NUDCD2: variants seen among roughly 807,000 people sequenced by gnomAD.
NUDCD2 encodes the protein NudC domain containing 2, also known as nudC domain-containing protein 2.
In NUDCD2, 16 loss-of-function variants were observed where a neutral mutation model predicts 20.8. That is an observed-to-expected ratio of 0.77 (90% CI 0.52 to 1.17). NUDCD2 has a LOEUF of 1.17. Ranked by LOEUF, NUDCD2 falls within the 50% of genes most tolerant of loss-of-function variation. The pLI, the probability that NUDCD2 is intolerant of heterozygous loss-of-function variation, is 0.00. For synonymous variants in NUDCD2, 87 were observed against 72.8 expected (o/e 1.20, Z -1.00); for missense variants, 199 against 193.9 (o/e 1.03, Z -0.16).
intron 3 of NUDCD2, 146 bp downstream of exon 3, chr5:163,456,783 G>C (rs1758322488): frequency 3.3e-6 from 2 of 612,658 alleles, no homozygotes; most frequent in Non-Finnish European, 5.2e-6. Flanking sequence ...TACAAGAAAG[G>C]CCATTTTTCT....
Position 163,457,058 on chromosome 5 carries a change from A to G in NUDCD2, c.261T>C (p.Ile87=), listed in dbSNP as rs769674467. ...WTLEDRKMVR[I]VLTKTKRDAA... ...CATCTCTCTTTGTCTTTGTAAGAAC[A>G]ATACGAACCATTTTTCTGTCCTCTA... Residue 87 remains isoleucine (I), a synonymous_variant, in exon 3 of 4, where the codon ATT becomes ATC. Transcript: ENST00000302764. 3 of 1,608,048 alleles carry G rather than the reference A, an allele frequency of 1.9e-6. No individual in the cohort carries two copies. In the South Asian group the frequency reaches 3.4e-5, roughly 18 times the overall value.
At position 163,447,404 on chromosome 5, in the gene NUDCD2, C is replaced by T. The variant is rs972039674; in HGVS notation, c.*6563G>A. ...AGTTTGAGGCTGCAGTGAAGCATGA[C>T]AGAGTTGCTATGCTCCAGCCTGAGT... On this transcript the variant is annotated 3_prime_UTR_variant, in exon 4 of 4. Transcript: ENST00000302764. The T allele has an allele frequency of 1.4e-5, 2 of 142,358 alleles. No individual in the cohort carries two copies. The highest frequency in any genetic ancestry group is 1.5e-4 in the Admixed American group (2 of 13,704). The allele number at this position is 142,358 out of a possible 1,614,324, so 8.8% of individuals were successfully genotyped here. A position where few individuals can be genotyped will look rare whatever the true frequency, so the allele number is the denominator to read the frequency against.
intron 3 of NUDCD2, among the ~76,000 whole-genome samples, chr5:163,456,147 G>A (rs1758304997): frequency 6.6e-6 from 1 of 152,092 alleles, no homozygotes; most frequent in East Asian, 1.9e-4. Flanking sequence ...AACCGGGTAT[G>A]CAGGTCCTAA....
At chr5:163,459,637 T>G (rs1758422576) in intron 1 of NUDCD2, 1 of 397,022 alleles carries the variant, frequency 2.5e-6, no homozygotes, top group Non-Finnish European at 4.5e-6. Context: ...AGCAGCAGTC[T>G]TAGTTTGAAA....
chr5:163,457,151 T>C (rs1758339705), intron 2 of NUDCD2, 71 bp from the exon 3 acceptor site: 3 of 1,472,288 alleles, frequency 2.0e-6, no homozygotes, highest in African/African-American at 2.9e-5. Context: ...TTTTTTTTTT[T>C]TTGAGACAGT....
At chr5:163,455,872 TAG>T (rs1316860008) in intron 3 of NUDCD2, among the ~76,000 whole-genome samples, 2 of 152,064 alleles carry the variant, frequency 1.3e-5, no homozygotes, top group African/African-American at 4.8e-5. Context: ...AGAATGGTGG[TAG>T]AGTTGGTGGT....
At position 163,457,414 on chromosome 5, in the gene NUDCD2, T is replaced by G. The variant is rs1379652323; in HGVS notation, c.238+148A>C. Reference sequence around the variant, plus strand: ...ACTAACTAATTTTTTCTCCCCCCACTAGGTAACTTTGACATACAACGGTTT... The same window carrying G: ...ACTAACTAATTTTTTCTCCCCCCACGAGGTAACTTTGACATACAACGGTTT... On this transcript the variant is annotated intron_variant, in intron 2 of 3. Transcript: ENST00000302764. 9.8e-6 allele frequency: 6 copies of G among 611,674 alleles called. No homozygotes were observed. In the African/African-American group the frequency reaches 1.1e-4, roughly 12 times the overall value. The allele number at this position is 611,674 out of a possible 1,614,324, so 37.9% of individuals were successfully genotyped here.
chr5:163,459,620 A>G (rs1758422131), intron 1 of NUDCD2: 1 of 349,842 alleles, frequency 2.9e-6, no homozygotes. Flanking sequence ...CCCGTCAGAG[A>G]AGCAGAAGCA....
intron 2 of NUDCD2, 118 bp from the exon 3 acceptor site, chr5:163,457,198 C>A (rs975191770): frequency 3.3e-5 from 35 of 1,066,326 alleles, no homozygotes; most frequent in Non-Finnish European, 3.3e-5. Flanking sequence ...GCGGCTTGAT[C>A]TCGGCTCACT....
rs1198309573 is a variant in NUDCD2, at chr5:163,451,981, A to T, written c.*1986T>A. The T allele has an allele frequency of 6.6e-6, 1 of 152,096 alleles. No homozygotes were observed. Among genetic ancestry groups the T allele is most frequent in the African/African-American group, 2.4e-5 (1 of 41,362 alleles). 9.4% of individuals were successfully genotyped at this position (152,096 alleles called of 1,614,324 possible). A position where few individuals can be genotyped will look rare whatever the true frequency, so the allele number is the denominator to read the frequency against. ...GGCAGGAGAATCGCTTGAACCCAGG[A>T]GGCGGAGGTTGCAGTAAGCCGAGAT... On this transcript the variant is annotated 3_prime_UTR_variant, in exon 4 of 4. Transcript: ENST00000302764.
At chr5:163,455,917 G>T (rs886236384) in intron 3 of NUDCD2, among the ~76,000 whole-genome samples, 1 of 152,106 alleles carries the variant, frequency 6.6e-6, no homozygotes, top group African/African-American at 2.4e-5. Context: ...ATATTTCGAA[G>T]GTAGCATCAG....
At chr5:163,454,128 A>G (rs1250666446) in intron 3 of NUDCD2, 78 bp from the exon 4 acceptor site, 1 of 655,416 alleles carries the variant, frequency 1.5e-6, no homozygotes, top group East Asian at 3.1e-5. Context: ...ATTGATAAAA[A>G]AGGATATATA....
intron 1 of NUDCD2, 40 bp downstream of exon 1, chr5:163,459,822 G>C: frequency 1.3e-6 from 2 of 1,547,872 alleles, no homozygotes; most frequent in African/African-American, 1.4e-5. Context: ...GGGGGCGTCT[G>C]GGAAGAGGAA....
chr5:163,452,341 G>C lies in NUDCD2; in HGVS notation c.*1626C>G, dbSNP rs961156143. 3.9e-5 allele frequency: 6 copies of C among 152,154 alleles called. No individual in the cohort carries two copies. Among genetic ancestry groups the C allele is most frequent in the African/African-American group, 1.4e-4 (6 of 41,420 alleles). 9.4% of individuals were successfully genotyped at this position (152,154 alleles called of 1,614,324 possible). On this transcript the variant is annotated 3_prime_UTR_variant, in exon 4 of 4. Transcript: ENST00000302764. Reference sequence around the variant, plus strand: ...GGAAAAATGGCTGATTCTTGGGTTAGGTCGAGGACAGCATGAGAAGCCTGG... The same window carrying C: ...GGAAAAATGGCTGATTCTTGGGTTACGTCGAGGACAGCATGAGAAGCCTGG...
chr5:163,454,073 T>C, intron 3 of NUDCD2, 23 bp from the exon 4 acceptor site: 4 of 1,298,126 alleles, frequency 3.1e-6, no homozygotes, highest in Non-Finnish European at 4.2e-6. Context: ...AACATATATA[T>C]AATGAAATAA....
rs969308591 is a variant in NUDCD2, at chr5:163,447,853, G to C, written c.*6114C>G. ...TCTAAATAACTCATGATACTACAGG[G>C]AAGTCTTAAAAAATATTTTAAAATA... On this transcript the variant is annotated 3_prime_UTR_variant, in exon 4 of 4. Transcript: ENST00000302764. 6.6e-6 allele frequency: 1 copy of C among 152,158 alleles called. No homozygotes were observed. Among genetic ancestry groups the C allele is most frequent in the Non-Finnish European group, 1.5e-5 (1 of 68,036 alleles). 9.4% of individuals were successfully genotyped at this position (152,158 alleles called of 1,614,324 possible).
In NUDCD2 at chr5:163,453,883, C is replaced by T; in HGVS notation, c.*84G>A. 4.7e-6 allele frequency: 3 copies of T among 642,034 alleles called. No individual in the cohort carries two copies. 39.8% of individuals were successfully genotyped at this position (642,034 alleles called of 1,614,324 possible). On this transcript the variant is annotated 3_prime_UTR_variant, in exon 4 of 4. Coordinates refer to ENST00000302764, the MANE Select transcript of NUDCD2 (RefSeq NM_145266.6). ...GCAATCTGTTAACTGTAGGCATCCG[C>T]ATTTTTCTTCCATTACATAATCTGT... is the stretch of plus-strand genomic sequence containing the variant.
In NUDCD2 at chr5:163,453,006, T is replaced by C. The variant is rs751426194; in HGVS notation, c.*961A>G. 6.6e-6 allele frequency: 1 copy of C among 152,160 alleles called. No homozygotes were observed. Among genetic ancestry groups the C allele is most frequent in the Non-Finnish European group, 1.5e-5 (1 of 68,038 alleles). 9.4% of individuals were successfully genotyped at this position (152,160 alleles called of 1,614,324 possible). On this transcript the variant is annotated 3_prime_UTR_variant, in exon 4 of 4. Coordinates refer to ENST00000302764, the MANE Select transcript of NUDCD2 (RefSeq NM_145266.6). ...TGAAGATCTGAGGATTAGAGGGTAG[T>C]AATGTGTCAACGTAAATTTCCTGAT... is the stretch of plus-strand genomic sequence containing the variant.
rs758910013 is a variant in NUDCD2, at chr5:163,457,040, CTT to C, written c.277_278del (p.Lys93GlufsTer14). On this transcript the variant is annotated frameshift_variant, in exon 3 of 4. Coordinates refer to ENST00000302764, the MANE Select transcript of NUDCD2 (RefSeq NM_145266.6). LOFTEE classifies it high-confidence loss of function. ...AAGTCCAACAATTTGCTGCATCTCT[CTT>C]TGTCTTTGTAAGAACAATACGAACC... Reference protein sequence around the residue: ...KMVRIVLTKTKRDAANCWTSL... With the variant: ...KMVRIVLTKTXRDAANCWTSL... The C allele has an allele frequency of 3.6e-5, 58 of 1,612,984 alleles. No individual in the cohort carries two copies. The highest frequency in any genetic ancestry group is 4.4e-5 in the South Asian group (4 of 90,974).
Sources: gnomAD v4.1 joint callset for allele counts (sites outside exome capture counted in the v4.1 genomes callset) on GRCh38, gnomAD v4.1.1 for gene constraint, MANE v1.5 for transcripts, NCBI Gene and HGNC (gene_info 2026-07-23, HGNC 2026-07-21) for gene names.